TTN: variants seen among roughly 807,000 people sequenced by gnomAD.
TTN encodes the protein titin.
TTN carries 1,525 observed loss-of-function variants against 3,223.0 expected under a neutral mutation model. The ratio of observed to expected loss-of-function variants is 0.47; its 90% CI spans 0.45 to 0.49. TTN has a LOEUF of 0.49. Among genes scored for constraint, TTN ranks in the 20% least tolerant of loss-of-function variants. The probability of loss-of-function intolerance (pLI) is 0.00; values close to 1 mark genes in which losing one functional copy is unlikely to be tolerated. For synonymous variants in TTN, 14,094 were observed against 15,161.0 expected, an observed-to-expected ratio of 0.93 and a Z score of 5.17; for missense variants, 40,786 against 43,424.0, an observed-to-expected ratio of 0.94 and a Z score of 5.40.
chr2:178,583,290 T>G, intron 312 of TTN, 63 bp from the exon 313 acceptor site: 1 of 1,374,340 alleles, frequency 7.3e-7, no homozygotes, highest in Non-Finnish European at 9.6e-7. Context: ...TCCTTATTAA[T>G]AATAGTGGGA....
In TTN at chr2:178,621,993, C is replaced by T. The variant is rs778989426; in HGVS notation, c.44929G>A (p.Asp14977Asn). 1 of 1,607,492 alleles carries T rather than the reference C, an allele frequency of 6.2e-7. No homozygotes were observed. Among genetic ancestry groups the T allele is most frequent in the South Asian group, 1.1e-5 (1 of 90,492 alleles). ...TTGCCCTTTTTAATTTCAGCACCATCTTTAAACCACTTAACCTATATTTAA... is the reference window on the plus strand; with the variant it reads ...TTGCCCTTTTTAATTTCAGCACCATTTTTAAACCACTTAACCTATATTTAA... ...RENAKVKWFK[D>N]GAEIKKGKKY... Residue 14977 changes from aspartate to asparagine, a missense_variant, in exon 244 of 363, where the codon GAT becomes AAT. By Grantham distance (23) the Asp-to-Asn change is conservative (BLOSUM62 1). Transcript: ENST00000589042.
rs776085388 is a variant in TTN at position 178,721,951 on chromosome 2, T to G, written c.22712A>C (p.His7571Pro). Reference protein sequence around the residue: ...YTITCVGNTPHLRILKVGKGD... With the variant: ...YTITCVGNTPPLRILKVGKGD... ...TTTGCCTACTTTAAGAATTCTCAAA[T>G]GAGGAGTGTTTCCCACACATGTGAT... The change falls in exon 78 of 363, where the codon CAT becomes CCT. Residue 7571 changes from histidine to proline, a missense_variant. His to Pro is a moderately conservative substitution (Grantham distance 77, BLOSUM62 -2). Transcript: ENST00000589042. 6.2e-7 allele frequency: 1 copy of G among 1,613,598 alleles called. No homozygotes were observed. The highest frequency in any genetic ancestry group is 1.7e-5 in the Admixed American group (1 of 60,004).
At chr2:178,642,813 T>G (rs907709721) in intron 218 of TTN, among the ~76,000 whole-genome samples, 4 of 152,014 alleles carry the variant, frequency 2.6e-5, no homozygotes, top group African/African-American at 9.7e-5. Context: ...ATATCTCACT[T>G]TCTGAACAGA....
In TTN at chr2:178,565,344, C is replaced by T. The variant is rs370511450; in HGVS notation, c.80788G>A (p.Glu26930Lys). 5.6e-6 allele frequency: 9 copies of T among 1,613,472 alleles called. No individual in the cohort carries two copies. The highest frequency in any genetic ancestry group is 1.3e-5 in the African/African-American group (1 of 74,880). ...TGCAAAACAGTTGAGGTAGCTGTTT[C>T]TTCAACGTTTACTCTTGTTGTCTGT... ...LKQTTRVNVE[E>K]TATSTVLHIK... The change falls in exon 326 of 363, where the codon GAA becomes AAA. Residue 26930 changes from glutamate (E) to lysine (K), a missense_variant. Coordinates refer to ENST00000589042, the MANE Select transcript of TTN (RefSeq NM_001267550.2).
chr2:178,627,828 A>G (rs1037405267), intron 240 of TTN, among the ~76,000 whole-genome samples: 4 of 152,090 alleles, frequency 2.6e-5, no homozygotes, highest in African/African-American at 9.6e-5. Flanking sequence ...GTCTTTAAGC[A>G]GTGTTCCTAT....
chr2:178,728,406 T>C lies in TTN; in HGVS notation c.19427-9A>G, dbSNP rs777104466. The C allele has an allele frequency of 1.2e-5, 19 of 1,590,306 alleles. No individual in the cohort carries two copies. Among genetic ancestry groups the C allele is most frequent in the Non-Finnish European group, 1.6e-5 (19 of 1,168,094 alleles). ...TGGAGGAATATTTTGATCTGTCCAATGCAAACAGCAAAACACATCCATTAA... is the reference window on the plus strand; with the variant it reads ...TGGAGGAATATTTTGATCTGTCCAACGCAAACAGCAAAACACATCCATTAA... On this transcript the variant is annotated splice_polypyrimidine_tract_variant and intron_variant, in intron 66 of 362. Transcript: ENST00000589042.
rs550445802 is a variant in TTN, at chr2:178,584,012, G to A, written c.65276-106C>T. 23 of 1,256,692 alleles carry A rather than the reference G, an allele frequency of 1.8e-5. No homozygotes were observed. The South Asian group carries it at 4.0e-4, about 22-fold the overall frequency. 77.8% of individuals were successfully genotyped at this position (1,256,692 alleles called of 1,614,324 possible). A position where few individuals can be genotyped will look rare whatever the true frequency, so the allele number is the denominator to read the frequency against. On this transcript the variant is annotated intron_variant, in intron 311 of 362. Coordinates refer to ENST00000589042, the MANE Select transcript of TTN (RefSeq NM_001267550.2). ...TGCTAAGTAACAAGCTCAACAGGAA[G>A]ACAATTATCCCATTTTAATAACCGT...
chr2:178,738,997 A>G (rs1417223606), intron 48 of TTN, 144 bp downstream of exon 48: 1 of 1,114,212 alleles, frequency 9.0e-7, no homozygotes, highest in Non-Finnish European at 1.2e-6. Context: ...GTTCATAACC[A>G]TGATTATGTC....
chr2:178,639,615 C>T, intron 223 of TTN, 84 bp downstream of exon 223: 1 of 1,391,180 alleles, frequency 7.2e-7, no homozygotes, highest in Non-Finnish European at 1.0e-6. Context: ...GCAGCATAAA[C>T]AGGGCTTGAA....
At chr2:178,581,038 G>A (rs907426338) in intron 316 of TTN, 2 of 163,790 alleles carry the variant, frequency 1.2e-5, no homozygotes, top group African/African-American at 4.8e-5. Flanking sequence ...ATAATATCAA[G>A]TAATTCAAAT....
Position 178,773,045 on chromosome 2 carries a change from G to T in TTN, c.7855+64C>A, listed in dbSNP as rs951583111. 1.6e-5 allele frequency: 26 copies of T among 1,604,202 alleles called. No individual in the cohort carries two copies. In the African/African-American group the frequency reaches 3.2e-4, roughly 20 times the overall value. ...AACTGAAAGGAATTTTGGGGGAAATGAATAATAATTTCTTAAAATAACAAT... is the reference window on the plus strand; with the variant it reads ...AACTGAAAGGAATTTTGGGGGAAATTAATAATAATTTCTTAAAATAACAAT... On this transcript the variant is annotated intron_variant, in intron 33 of 362. Transcript: ENST00000589042.
Position 178,578,034 on chromosome 2 carries a change from G to A in TTN, c.68481C>T (p.Gly22827=), listed in dbSNP as rs768624878. The part of the protein sequence containing the change: ...RVMAINLAGV[G]KPSLPSEPVV... ...CAGGCTCTGATGGTAGGCTTGGCTTGCCCACACCTGCTAAATTGATTGCCA... is the reference window on the plus strand; with the variant it reads ...CAGGCTCTGATGGTAGGCTTGGCTTACCCACACCTGCTAAATTGATTGCCA... Residue 22827 remains glycine (G), a synonymous_variant, in exon 322 of 363, where the codon GGC becomes GGT. Coordinates refer to ENST00000589042, the MANE Select transcript of TTN (RefSeq NM_001267550.2). 14 of 1,613,040 alleles carry A rather than the reference G, an allele frequency of 8.7e-6. No homozygotes were observed. The highest frequency in any genetic ancestry group is 1.3e-5 in the African/African-American group (1 of 74,860).
chr2:178,622,621 AAT>A (rs1455852650), intron 243 of TTN, 47 bp downstream of exon 243: 1 of 1,476,186 alleles, frequency 6.8e-7, no homozygotes, highest in Non-Finnish European at 9.2e-7. Flanking sequence ...ACCAAAAGTA[AAT>A]ATAAAGTTAT....
Position 178,572,807 on chromosome 2 carries a change from G to C in TTN, c.73325C>G (p.Ala24442Gly). 2.5e-6 allele frequency: 4 copies of C among 1,613,400 alleles called. No homozygotes were observed. Among genetic ancestry groups the C allele is most frequent in the Non-Finnish European group, 3.4e-6 (4 of 1,179,568 alleles). The change falls in exon 326 of 363, where the codon GCC (alanine) becomes GGC (glycine). Residue 24442 changes from alanine to glycine, a missense_variant. Ala to Gly is a moderately conservative substitution (Grantham distance 60, BLOSUM62 0). Transcript: ENST00000589042. Reference sequence around the variant, plus strand: ...AACAAAAAGTCTCAGGGTGCAGCAGGCCCTTATAGTAACAACTTTGCGCAG... The same window carrying C: ...AACAAAAAGTCTCAGGGTGCAGCAGCCCCTTATAGTAACAACTTTGCGCAG... The part of the protein sequence containing the change: ...ADLRKVVTIR[A>G]CCTLRLFVPI...
intron 340 of TTN, 47 bp downstream of exon 340, chr2:178,546,956 A>G: frequency 6.3e-7 from 1 of 1,583,682 alleles, no homozygotes; most frequent in Non-Finnish European, 8.6e-7. Flanking sequence ...GAGTTCTACT[A>G]GAATCAGTAA....
chr2:178,799,325 C>T, intron 6 of TTN, 162 bp downstream of exon 6: 1 of 1,108,576 alleles, frequency 9.0e-7, no homozygotes. Context: ...GCCCCACAAC[C>T]TGCCCGTTTG....
Position 178,554,164 on chromosome 2 carries a change from C to G in TTN, c.88947G>C (p.Ser29649=). 1 of 1,610,334 alleles carries G rather than the reference C, an allele frequency of 6.2e-7. No individual in the cohort carries two copies. The highest frequency in any genetic ancestry group is 8.5e-7 in the Non-Finnish European group (1 of 1,178,700). ...IPEVTKITKN[S]MTVVWSRPIA... is the part of the protein sequence containing the mutation. The stretch of plus-strand genomic sequence containing the variant: ...TTGGCCTGCTCCATACAACAGTCAT[C>G]GAATTCTTGGTAATCTTTGTCACTT... Residue 29649 remains serine (S), a synonymous_variant, in exon 333 of 363, where the codon TCG becomes TCC. Coordinates refer to ENST00000589042, the MANE Select transcript of TTN (RefSeq NM_001267550.2).
At position 178,535,668 on chromosome 2, in the gene TTN, G is replaced by C. The variant is rs2154136828; in HGVS notation, c.100947C>G (p.Ser33649=). ...NGHYQVIVTR[S]FTSLVFPNGV... ...CATTGGGGAAAACAAGTGATGTGAAGGATCTTGTGACAATAACTTGGTAGT... is the reference window on the plus strand; with the variant it reads ...CATTGGGGAAAACAAGTGATGTGAACGATCTTGTGACAATAACTTGGTAGT... The change falls in exon 358 of 363, where the codon TCC becomes TCG. Residue 33649 remains serine, a synonymous_variant. Coordinates refer to ENST00000589042, the MANE Select transcript of TTN (RefSeq NM_001267550.2). 1 of 1,613,786 alleles carries C rather than the reference G, an allele frequency of 6.2e-7. No individual in the cohort carries two copies. Among genetic ancestry groups the C allele is most frequent in the Non-Finnish European group, 8.5e-7 (1 of 1,179,790 alleles).
chr2:178,611,175 G>A lies in TTN; in HGVS notation c.50954C>T (p.Thr16985Ile), dbSNP rs116765281. 210 of 1,612,732 alleles carry A rather than the reference G, an allele frequency of 1.3e-4. No homozygotes were observed. The highest frequency in any genetic ancestry group is 1.7e-4 in the Non-Finnish European group (198 of 1,179,244). ...TTTGCCATCTTTATGCCAACTAACA[G>A]TTGGAACTGGGACAGCTCTGAAGGG... ...PVPFRAVPVP[T>I]VSWHKDGKEV... Residue 16985 changes from threonine (T) to isoleucine (I), a missense_variant, in exon 270 of 363, where the codon ACT (threonine) becomes ATT (isoleucine). Physicochemically the swap from Thr to Ile is moderately conservative, Grantham distance 89. Transcript: ENST00000589042.
Sources: allele counts gnomAD v4.1 joint callset (sites outside exome capture counted in the v4.1 genomes callset), GRCh38; gene constraint gnomAD v4.1.1; transcripts MANE v1.5; gene names NCBI Gene and HGNC (gene_info 2026-07-23, HGNC 2026-07-21).